SPATA7: variants seen among roughly 807,000 people sequenced by gnomAD.
SPATA7 encodes spermatogenesis associated 7, also known as spermatogenesis-associated protein 7.
In SPATA7, 43 loss-of-function variants were observed where a neutral mutation model predicts 51.8. That is an observed-to-expected ratio of 0.83 (90% CI 0.65 to 1.07). SPATA7 has a LOEUF of 1.07. Among genes scored for constraint, SPATA7 ranks in the 50% least tolerant of loss-of-function variants. The probability of loss-of-function intolerance (pLI) is 0.00; values close to 1 mark genes in which losing one functional copy is unlikely to be tolerated. For missense variants in SPATA7, 683 were observed against 701.3 expected, an observed-to-expected ratio of 0.97 and a Z score of 0.30; for synonymous variants, 230 against 252.8, an observed-to-expected ratio of 0.91 and a Z score of 0.86.
Position 88,438,333 on chromosome 14 carries a change from A to G in SPATA7, c.1711A>G (p.Ser571Gly), listed in dbSNP as rs369285856. 2.6e-5 allele frequency: 42 copies of G among 1,613,954 alleles called. No individual in the cohort carries two copies. The highest frequency in any genetic ancestry group is 2.0e-4 in the East Asian group (9 of 44,866). ...ACCCTCCCAATCTGTTCAGTTCTCC[A>G]GTGTCAAAGGCGACAATAATCATGA... ...TSPSQSVQFS[S>G]VKGDNNHDME... The change falls in exon 12 of 12, where the codon AGT becomes GGT. Residue 571 changes from serine to glycine, a missense_variant. Transcript: ENST00000393545.
chr14:88,428,758 G>A (rs2076863690), intron 7 of SPATA7: 1 of 152,800 alleles, frequency 6.5e-6, no homozygotes, highest in Non-Finnish European at 1.5e-5. Context: ...ACTTGAAGAA[G>A]CCAGTAGAGT....
chr14:88,406,256 A>C (rs967516644), intron 4 of SPATA7, among the ~76,000 whole-genome samples: 1 of 152,038 alleles, frequency 6.6e-6, no homozygotes, highest in African/African-American at 2.4e-5. Context: ...TTTTTATAGA[A>C]GTTTTATTGA....
At chr14:88,435,804 C>T in intron 10 of SPATA7, among the ~76,000 whole-genome samples, 1 of 152,134 alleles carries the variant, frequency 6.6e-6, no homozygotes, top group East Asian at 1.9e-4. Context: ...TGTATATGTA[C>T]TACGTTTTTT....
chr14:88,438,511 T>A (rs2077154365), downstream of SPATA7: 1 of 1,045,074 alleles, frequency 9.6e-7, no homozygotes, highest in Non-Finnish European at 1.5e-6. Flanking sequence ...TCTCTATTGG[T>A]TTTCTGTGCT....
At chr14:88,411,380 G>T (rs1459762460) in intron 4 of SPATA7, among the ~76,000 whole-genome samples, 2 of 152,128 alleles carry the variant, frequency 1.3e-5, no homozygotes, top group African/African-American at 4.8e-5. Context: ...GGAGTGAATG[G>T]TTCTGCCTCA....
downstream of SPATA7, among the ~76,000 whole-genome samples, chr14:88,442,925 G>C (rs75553827): frequency 0.028 from 3,879 of 139,770 alleles, 179 homozygotes; most frequent in African/African-American, 0.095. Context: ...TGGAATTTTT[G>C]GTTTTTTGTT....
chr14:88,391,402 C>T lies in SPATA7; in HGVS notation c.41C>T (p.Pro14Leu). Reference protein sequence around the residue: ...SRRVRATSVLPRYGPPCLFKG... With the variant: ...SRRVRATSVLLRYGPPCLFKG... ...AAAGTCAGAGCAACCTCTGTCCTTC[C>T]CAGATATGGTCCACCGTGCCTATTT... Residue 14 changes from proline (P) to leucine (L), a missense_variant, in exon 2 of 12, where the codon CCC becomes CTC. Pro to Leu is a moderately conservative substitution (Grantham distance 98). Coordinates refer to ENST00000393545, the MANE Select transcript of SPATA7 (RefSeq NM_018418.5). 5.6e-6 allele frequency: 9 copies of T among 1,613,228 alleles called. No homozygotes were observed. The highest frequency in any genetic ancestry group is 7.6e-6 in the Non-Finnish European group (9 of 1,179,616).
At chr14:88,400,695 TGTG>T (rs1438349263) in intron 4 of SPATA7, among the ~76,000 whole-genome samples, 11 of 151,944 alleles carry the variant, frequency 7.2e-5, no homozygotes, top group Non-Finnish European at 1.3e-4. Context: ...ATTAGCCAGA[TGTG>T]GTGTTGCACA....
chr14:88,414,059 T>C (rs759560620), intron 4 of SPATA7, among the ~76,000 whole-genome samples: 5 of 151,892 alleles, frequency 3.3e-5, no homozygotes, highest in Admixed American at 1.3e-4. Context: ...ATTATGCTGG[T>C]TTCATAGATT....
intron 5 of SPATA7, among the ~76,000 whole-genome samples, chr14:88,418,933 T>G (rs2076560267): frequency 6.6e-6 from 1 of 152,230 alleles, no homozygotes; most frequent in East Asian, 1.9e-4. Flanking sequence ...TTCTTGAAAT[T>G]TATTGAGCAC....
chr14:88,457,290 C>A (rs60480187), downstream of SPATA7, among the ~76,000 whole-genome samples: 5,779 of 152,214 alleles, frequency 0.038, 359 homozygotes, highest in African/African-American at 0.13. Flanking sequence ...ATGAGGGTGG[C>A]ATTGAATCTA....
intron 10 of SPATA7, among the ~76,000 whole-genome samples, chr14:88,436,780 G>A (rs1245489893): frequency 6.6e-6 from 1 of 152,008 alleles, no homozygotes; most frequent in Admixed American, 6.6e-5. Context: ...CTGTTCCATT[G>A]GTCTGTGTCT....
chr14:88,439,806 G>A (rs1473125337), downstream of SPATA7, among the ~76,000 whole-genome samples: 1 of 152,060 alleles, frequency 6.6e-6, no homozygotes, highest in African/African-American at 2.4e-5. Flanking sequence ...ACAATATGGT[G>A]GGACTGAGCA....
chr14:88,408,835 C>T (rs140642911), intron 4 of SPATA7, among the ~76,000 whole-genome samples: 5,361 of 152,206 alleles, frequency 0.035, 299 homozygotes, highest in African/African-American at 0.12. Context: ...TGAATTTTGT[C>T]AAAGGCCTTT....
At chr14:88,451,921 G>T (rs2077254284) in intron 3 of SPATA7, among the ~76,000 whole-genome samples, 1 of 151,974 alleles carries the variant, frequency 6.6e-6, no homozygotes, top group Non-Finnish European at 1.5e-5. Flanking sequence ...CTTTTTTCCT[G>T]CAGTTTAGAG....
Position 88,469,766 on chromosome 14 carries a change from G to C in SPATA7, c.255-81G>C, listed in dbSNP as rs761216838. 1.2e-6 allele frequency: 2 copies of C among 1,610,072 alleles called. No individual in the cohort carries two copies. The highest frequency in any genetic ancestry group is 3.3e-5 in the Admixed American group (2 of 59,994). On this transcript the variant is annotated intron_variant, in intron 4 of 4. Transcript: ENST00000556406. The surrounding 1 kb of genome is among the most constrained non-coding windows in gnomAD (Gnocchi z 4.3). ...AGATGAGCATGGTTAAATGACTCGA[G>C]ATCCGGCAATGGATGCCTTTCTCAC...
At chr14:88,436,433 TC>T (rs1225260971) in intron 10 of SPATA7, among the ~76,000 whole-genome samples, 1 of 152,168 alleles carries the variant, frequency 6.6e-6, no homozygotes, top group Non-Finnish European at 1.5e-5. Context: ...TAATTTGTGA[TC>T]CCATTTGTCC....
intron 4 of SPATA7, among the ~76,000 whole-genome samples, chr14:88,462,652 G>A (rs531992633): frequency 6.6e-6 from 1 of 152,326 alleles, no homozygotes; most frequent in South Asian, 2.1e-4. Flanking sequence ...CTTGTGTACT[G>A]CTATATCCAG....
intron 4 of SPATA7, among the ~76,000 whole-genome samples, chr14:88,412,496 G>A (rs967161210): frequency 1.3e-5 from 2 of 151,974 alleles, no homozygotes; most frequent in Admixed American, 1.3e-4. Context: ...AACCCTTCAC[G>A]TTTTTCTGCC....
Sources: allele counts gnomAD v4.1 joint callset (sites outside exome capture counted in the v4.1 genomes callset), GRCh38; gene constraint gnomAD v4.1.1; non-coding constraint Gnocchi (gnomAD v3.1); transcripts MANE v1.5; gene names NCBI Gene and HGNC (gene_info 2026-07-23, HGNC 2026-07-21).